Variants in ERG observed in about 807,000 individuals in gnomAD.
ERG encodes ETS transcription factor ERG.
In ERG, 9 loss-of-function variants were observed where a neutral mutation model predicts 55.3. The ratio of observed to expected loss-of-function variants is 0.16; its 90% CI spans 0.10 to 0.28. ERG has a LOEUF of 0.28. Ranked by LOEUF, ERG falls within the 10% of genes least tolerant of loss-of-function variation. ERG has a pLI of 1.00. For synonymous variants in ERG, 223 were observed against 237.3 expected, an observed-to-expected ratio of 0.94 and a Z score of 0.55; for missense variants, 434 against 631.6, an observed-to-expected ratio of 0.69 and a Z score of 3.35.
chr21:38,385,444 T>C (rs1987648135), intron 9 of ERG, among the ~76,000 whole-genome samples: 1 of 152,220 alleles, frequency 6.6e-6, no homozygotes, highest in Non-Finnish European at 1.5e-5. Flanking sequence ...ACTGTAAAAA[T>C]CAATTTTACG....
chr21:38,577,704 G>T (rs191782072), intron 1 of ERG, among the ~76,000 whole-genome samples: 1 of 152,202 alleles, frequency 6.6e-6, no homozygotes, highest in African/African-American at 2.4e-5. Context: ...GGGTCATTCA[G>T]CCCGGAAGGG....
At chr21:38,631,853 C>T (rs1469696152) in intron 1 of ERG, among the ~76,000 whole-genome samples, 4 of 152,098 alleles carry the variant, frequency 2.6e-5, no homozygotes, top group South Asian at 2.1e-4. Flanking sequence ...ACCTGCAAAC[C>T]GAATCCCACA....
chr21:38,453,471 C>G (rs765645242), intron 1 of ERG, among the ~76,000 whole-genome samples: 27 of 152,218 alleles, frequency 1.8e-4, no homozygotes, highest in Non-Finnish European at 3.2e-4. Flanking sequence ...GCAGAATAAA[C>G]CTCGAATGCA....
At chr21:38,639,204 C>A (rs777096752) in intron 1 of ERG, among the ~76,000 whole-genome samples, 1 of 152,178 alleles carries the variant, frequency 6.6e-6, no homozygotes, top group Non-Finnish European at 1.5e-5. Flanking sequence ...CAAGCCCCAC[C>A]TGGGCACACA....
intron 1 of ERG, chr21:38,473,907 ATG>A (rs1248263751): frequency 1.3e-5 from 2 of 152,014 alleles, no homozygotes; most frequent in Admixed American, 6.6e-5. Flanking sequence ...AGTGTTGTAT[ATG>A]TGTGTATGTG....
At chr21:38,526,838 G>C (rs570847049) in intron 2 of ERG, among the ~76,000 whole-genome samples, 1 of 152,132 alleles carries the variant, frequency 6.6e-6, no homozygotes, top group East Asian at 1.9e-4. Flanking sequence ...TAGAACATAC[G>C]AAAGTACAAA....
At chr21:38,468,672 A>G (rs1469165658) in intron 1 of ERG, among the ~76,000 whole-genome samples, 2 of 152,132 alleles carry the variant, frequency 1.3e-5, no homozygotes, top group African/African-American at 4.8e-5. Context: ...ATGTCGGTGA[A>G]AAGACCATGC....
At chr21:38,639,467 G>A (rs2060410465) in intron 1 of ERG, among the ~76,000 whole-genome samples, 1 of 151,286 alleles carries the variant, frequency 6.6e-6, no homozygotes, top group Non-Finnish European at 1.5e-5. Context: ...TCAGAGAGGA[G>A]GTTCAACATC....
chr21:38,614,994 T>A lies in ERG; in HGVS notation c.-149-30049A>T, dbSNP rs183631586. Among the ~76,000 whole-genome samples, 3 of 152,314 alleles carry A rather than the reference T, an allele frequency of 2.0e-5. No homozygotes were observed. In the East Asian group the frequency reaches 5.8e-4, roughly 29 times the overall value. On this transcript the variant is annotated intron_variant, in intron 1 of 10. Coordinates refer to the ERG transcript ENST00000398910. Reference sequence around the variant, plus strand: ...GAAGTCTTAGGTATTTAATTATTATTAAGGCAAAGATTACATCACTGCCTG... The same window carrying A: ...GAAGTCTTAGGTATTTAATTATTATAAAGGCAAAGATTACATCACTGCCTG...
In ERG at chr21:38,476,750, C is replaced by G. The variant is rs144448656; in HGVS notation, c.18+21613G>C. ...AACCAGATTTGAAATTCCACGTAAA[C>G]GGCCTCTTTCTGCAGATGTGCACCA... On this transcript the variant is annotated intron_variant, in intron 1 of 9. Transcript: ENST00000288319. Among the ~76,000 whole-genome samples the G allele has an allele frequency of 1.4e-4, 22 of 152,232 alleles. No individual in the cohort carries two copies. In the East Asian group the frequency reaches 4.1e-3, roughly 28 times the overall value.
chr21:38,559,918 G>A (rs1444261954), intron 2 of ERG, among the ~76,000 whole-genome samples: 1 of 152,136 alleles, frequency 6.6e-6, no homozygotes, highest in Non-Finnish European at 1.5e-5. Flanking sequence ...CCTGACCTCA[G>A]GTGATCCACC....
chr21:38,640,617 C>T (rs968577755), intron 1 of ERG, among the ~76,000 whole-genome samples: 19 of 152,286 alleles, frequency 1.2e-4, no homozygotes, highest in South Asian at 8.3e-4. Flanking sequence ...TCTTGCCTGC[C>T]GCCATGTAAG....
At chr21:38,437,673 T>C (rs1181648168) in intron 2 of ERG, among the ~76,000 whole-genome samples, 1 of 152,152 alleles carries the variant, frequency 6.6e-6, no homozygotes, top group Non-Finnish European at 1.5e-5. Flanking sequence ...TTGTTTGGGG[T>C]ACATTCCCCA....
At chr21:38,402,695 G>A (rs1159932095) in intron 4 of ERG, 58 bp from the exon 5 acceptor site, 21 of 465,630 alleles carry the variant, frequency 4.5e-5, no homozygotes, top group South Asian at 8.4e-5. Context: ...GAGAGAGAAA[G>A]AGAATTACCT....
intron 1 of ERG, among the ~76,000 whole-genome samples, chr21:38,448,314 A>G (rs1295382069): frequency 1.3e-5 from 2 of 152,330 alleles, no homozygotes; most frequent in South Asian, 4.1e-4. Context: ...TCTCACAGCT[A>G]ATATTGCACA....
Position 38,383,146 on chromosome 21 carries a change from A to G in ERG, c.*257T>C. On this transcript the variant is annotated 3_prime_UTR_variant, in exon 10 of 10. Coordinates refer to ENST00000288319, the MANE Select transcript of ERG (RefSeq NM_182918.4). The surrounding 1 kb of genome is among the most constrained non-coding windows in gnomAD (Gnocchi z 5.7). Reference sequence around the variant, plus strand: ...TGTCCTTAAGACTTCATGCTTCTACATACACTGTCTTTTACAAGGTCAGTC... The same window carrying G: ...TGTCCTTAAGACTTCATGCTTCTACGTACACTGTCTTTTACAAGGTCAGTC... The G allele has an allele frequency of 8.3e-7, 1 of 1,208,058 alleles. No homozygotes were observed. The highest frequency in any genetic ancestry group is 3.3e-4 in the Middle Eastern group (1 of 3,042). 74.8% of individuals were successfully genotyped at this position (1,208,058 alleles called of 1,614,324 possible).
chr21:38,520,549 T>C (rs1279791201), intron 2 of ERG, among the ~76,000 whole-genome samples: 1 of 152,134 alleles, frequency 6.6e-6, no homozygotes, highest in Non-Finnish European at 1.5e-5. Context: ...AAAGATGAAT[T>C]AGGGATTGTC....
chr21:38,453,988 T>C (rs1474850936), intron 1 of ERG, among the ~76,000 whole-genome samples: 1 of 151,910 alleles, frequency 6.6e-6, no homozygotes, highest in Admixed American at 6.6e-5. Context: ...GGAAACCTCC[T>C]GTTTGTATGT....
intron 3 of ERG, among the ~76,000 whole-genome samples, chr21:38,417,081 T>C (rs931219043): frequency 6.6e-6 from 1 of 152,234 alleles, no homozygotes; most frequent in Non-Finnish European, 1.5e-5. Context: ...AAAAACTACT[T>C]ACCCCACATG....
Sources: gnomAD v4.1 joint callset for allele counts (sites outside exome capture counted in the v4.1 genomes callset) on GRCh38, gnomAD v4.1.1 for gene constraint, Gnocchi (gnomAD v3.1) non-coding constraint, MANE v1.5 for transcripts, NCBI Gene and HGNC (gene_info 2026-07-23, HGNC 2026-07-21) for gene names.